LRP2: variants seen among roughly 807,000 people sequenced by gnomAD.
LRP2 encodes low-density lipoprotein receptor-related protein 2.
In LRP2, 172 loss-of-function variants were observed where a neutral mutation model predicts 531.0. The ratio of observed to expected loss-of-function variants is 0.32; its 90% CI spans 0.29 to 0.37. The LOEUF is 0.37. LRP2 is among the 10% of genes least tolerant of loss of function. The pLI is 1.00. For synonymous variants in LRP2, 1,992 were observed against 2,027.6 expected (o/e 0.98, Z 0.47); for missense variants, 5,167 against 5,868.3 (o/e 0.88, Z 3.90).
chr2:169,187,834 T>C, intron 49 of LRP2, 136 bp downstream of exon 49: 1 of 969,680 alleles, frequency 1.0e-6, no homozygotes, highest in Non-Finnish European at 1.6e-6. Context: ...TTGGTAACCT[T>C]TTGCTATATC....
intron 31 of LRP2, among the ~76,000 whole-genome samples, chr2:169,230,641 G>A (rs962196339): frequency 2.6e-5 from 4 of 152,164 alleles, no homozygotes; most frequent in African/African-American, 4.8e-5. Context: ...ACTGAGAAAC[G>A]AAAGGGAACT....
At chr2:169,263,689 G>T (rs550778505) in intron 16 of LRP2, among the ~76,000 whole-genome samples, 9 of 151,984 alleles carry the variant, frequency 5.9e-5, no homozygotes, top group African/African-American at 1.7e-4. Context: ...TCAGTGTGGC[G>T]ATTCCTCAGG....
intron 1 of LRP2, among the ~76,000 whole-genome samples, chr2:169,355,608 G>T (rs1416166133): frequency 6.6e-6 from 1 of 152,176 alleles, no homozygotes; most frequent in Non-Finnish European, 1.5e-5. Flanking sequence ...CTTTTGCTGG[G>T]AATAGCTAAG....
rs893198111 is a variant in LRP2 at position 169,318,979 on chromosome 2, C to T, written c.188-95G>A. ...TCCAGAAGAGTGTATCATGTAAACT[C>T]CTGCTCAATTTATTTGAAGGCAAAT... On this transcript the variant is annotated intron_variant, in intron 2 of 78. Transcript: ENST00000649046. The T allele has an allele frequency of 2.0e-6, 3 of 1,493,394 alleles. No individual in the cohort carries two copies. The African/African-American group carries it at 4.1e-5, about 21-fold the overall frequency. 92.5% of individuals were successfully genotyped at this position (1,493,394 alleles called of 1,614,324 possible). A position where few individuals can be genotyped will look rare whatever the true frequency, so the allele number is the denominator to read the frequency against.
rs1685173650 is a variant in LRP2 at position 169,128,594 on chromosome 2, T to C, written c.*69A>G. ...TCATAAAGTACTGAATGTTAACTTT[T>C]TTCATCTGTTTGTAAAAAATATATG... is the stretch of plus-strand genomic sequence containing the variant. On this transcript the variant is annotated 3_prime_UTR_variant, in exon 79 of 79. Coordinates refer to ENST00000649046, the MANE Select transcript of LRP2 (RefSeq NM_004525.3). The C allele has an allele frequency of 6.7e-7, 1 of 1,492,248 alleles. No homozygotes were observed. Among genetic ancestry groups the C allele is most frequent in the Admixed American group, 1.7e-5 (1 of 59,604 alleles). 92.4% of individuals were successfully genotyped at this position (1,492,248 alleles called of 1,614,324 possible).
intron 1 of LRP2, among the ~76,000 whole-genome samples, chr2:169,344,506 T>G (rs938854510): frequency 2.6e-5 from 4 of 152,182 alleles, no homozygotes; most frequent in African/African-American, 9.7e-5. Flanking sequence ...AGTTGTATAT[T>G]TGTATGGTAT....
intron 3 of LRP2, among the ~76,000 whole-genome samples, chr2:169,312,817 C>T (rs1176237300): frequency 6.6e-6 from 1 of 152,204 alleles, no homozygotes; most frequent in Admixed American, 6.5e-5. Context: ...TGGTTCCATT[C>T]TCCCCGTCAC....
intron 76 of LRP2, among the ~76,000 whole-genome samples, chr2:169,133,202 G>A (rs552131091): frequency 2.6e-5 from 4 of 152,292 alleles, no homozygotes; most frequent in Non-Finnish European, 5.9e-5. Flanking sequence ...GAAAAGATGA[G>A]AATGATAGAA....
intron 1 of LRP2, among the ~76,000 whole-genome samples, chr2:169,332,653 C>T (rs1685297813): frequency 6.6e-6 from 1 of 152,124 alleles, no homozygotes. Context: ...AAGTTACATG[C>T]TAGGAACTAA....
At chr2:169,346,083 T>G (rs902575501) in intron 1 of LRP2, among the ~76,000 whole-genome samples, 2 of 152,196 alleles carry the variant, frequency 1.3e-5, no homozygotes, top group African/African-American at 2.4e-5. Flanking sequence ...AAAATAAATC[T>G]GGATTACAGT....
chr2:169,275,976 G>T (rs1683542160), intron 13 of LRP2, among the ~76,000 whole-genome samples: 1 of 151,902 alleles, frequency 6.6e-6, no homozygotes, highest in Admixed American at 6.6e-5. Flanking sequence ...GCAGAGGACG[G>T]TTGATATGGG....
chr2:169,165,861 A>C (rs1686761721), intron 62 of LRP2, 71 bp downstream of exon 62: 8 of 1,587,302 alleles, frequency 5.0e-6, no homozygotes, highest in Non-Finnish European at 8.6e-7. Flanking sequence ...GAAATCCCAG[A>C]GGCACATTTT....
intron 78 of LRP2, 59 bp from the exon 79 acceptor site, chr2:169,128,889 T>C: frequency 6.2e-7 from 1 of 1,601,100 alleles, no homozygotes. Flanking sequence ...CCATACACGG[T>C]TTTTCATAAA....
At chr2:169,157,712 T>C (rs1686385591) in intron 63 of LRP2, among the ~76,000 whole-genome samples, 2 of 152,156 alleles carry the variant, frequency 1.3e-5, no homozygotes, top group South Asian at 4.1e-4. Context: ...ATGCATATAA[T>C]GCTAAAACTT....
chr2:169,223,306 C>T (rs1230559060), intron 33 of LRP2, among the ~76,000 whole-genome samples: 1 of 152,216 alleles, frequency 6.6e-6, no homozygotes, highest in Non-Finnish European at 1.5e-5. Flanking sequence ...CTGGCCACTA[C>T]TGCATTGTAC....
rs16856638 is a variant in LRP2, at chr2:169,225,590, T to G, written c.5395-137A>C. The stretch of plus-strand genomic sequence containing the variant: ...CACTCAGAGGAAAGGCAAACAAAGG[T>G]TCAGCACCACTGGGTAGGCTTCAAA... On this transcript the variant is annotated intron_variant, in intron 32 of 78. Coordinates refer to ENST00000649046, the MANE Select transcript of LRP2 (RefSeq NM_004525.3). 4,499 of 980,972 alleles carry G rather than the reference T, an allele frequency of 4.6e-3. 112 individuals carry two copies. The African/African-American group carries it at 0.059, about 13-fold the overall frequency. 60.8% of individuals were successfully genotyped at this position (980,972 alleles called of 1,614,324 possible).
intron 67 of LRP2, among the ~76,000 whole-genome samples, chr2:169,152,033 T>C (rs559788913): frequency 3.9e-5 from 6 of 152,332 alleles, no homozygotes; most frequent in African/African-American, 1.4e-4. Flanking sequence ...TTTGCATTAT[T>C]GGTTCATTTT....
At chr2:169,323,914 C>T (rs568370488) in intron 1 of LRP2, among the ~76,000 whole-genome samples, 1 of 151,876 alleles carries the variant, frequency 6.6e-6, no homozygotes, top group South Asian at 2.1e-4. Flanking sequence ...ATACAATCCA[C>T]ATTGAAATAA....
intron 26 of LRP2, 109 bp downstream of exon 26, chr2:169,239,418 T>C: frequency 6.3e-7 from 1 of 1,581,796 alleles, no homozygotes; most frequent in Non-Finnish European, 8.7e-7. Context: ...CTTTCCAGGA[T>C]TCAAGTCGAT....
Sources: gnomAD v4.1 joint callset for allele counts (sites outside exome capture counted in the v4.1 genomes callset) on GRCh38, gnomAD v4.1.1 for gene constraint, MANE v1.5 for transcripts, NCBI Gene and HGNC (gene_info 2026-07-23, HGNC 2026-07-21) for gene names.